DENND1A: variants seen among roughly 807,000 people sequenced by gnomAD.
The protein encoded by DENND1A is DENN domain-containing protein 1A.
In DENND1A, 51 loss-of-function variants were observed where a neutral mutation model predicts 113.7. The observed-to-expected ratio is 0.45, with a 90% CI of 0.36 to 0.57. The LOEUF (loss-of-function observed/expected upper bound fraction) is 0.57, where lower values mean the gene tolerates loss of function less well. Among genes scored for constraint, DENND1A ranks in the 20% least tolerant of loss-of-function variants. The probability of loss-of-function intolerance (pLI) is 0.00; values close to 1 mark genes in which losing one functional copy is unlikely to be tolerated. For synonymous variants in DENND1A, 565 were observed against 570.8 expected (o/e 0.99, Z 0.14); for missense variants, 1,258 against 1,395.9 (o/e 0.90, Z 1.57).
intron 13 of DENND1A, among the ~76,000 whole-genome samples, chr9:123,540,922 G>A (rs1333313745): frequency 6.6e-6 from 1 of 152,182 alleles, no homozygotes; most frequent in East Asian, 1.9e-4. Flanking sequence ...GAGTTCTAGA[G>A]GCAGACAGAC....
intron 13 of DENND1A, among the ~76,000 whole-genome samples, chr9:123,526,502 C>G (rs2054858281): frequency 6.6e-6 from 1 of 152,212 alleles, no homozygotes; most frequent in African/African-American, 2.4e-5. Flanking sequence ...ACATGACCAT[C>G]TGGTTGTCAT....
intron 2 of DENND1A, among the ~76,000 whole-genome samples, chr9:123,830,873 G>GAAAAAAAAAAAAAAAAAAAAA (rs71390447): frequency 1.5e-4 from 6 of 39,316 alleles, no homozygotes; most frequent in Non-Finnish European, 2.3e-4. Context: ...TCTCAAAAAT[G>GAAAAAAAAAAAAAAAAAAAAA]AAAAAAAAAA....
Position 123,651,722 on chromosome 9 carries a change from T to C in DENND1A, c.618+291A>G, listed in dbSNP as rs117433640. On this transcript the variant is annotated intron_variant, in intron 9 of 23. Coordinates refer to ENST00000394215, the MANE Select transcript of DENND1A (RefSeq NM_001352964.2). ...AATGACACACCCGTATCATGAAATA[T>C]GGTGTAGACATTAAAAAATGACAAT... Among the ~76,000 whole-genome samples the C allele has an allele frequency of 7.3e-4, 111 of 152,302 alleles. No individual in the cohort carries two copies. The East Asian group carries it at 0.02, about 28-fold the overall frequency.
chr9:123,504,113 T>C (rs1367328512), intron 13 of DENND1A, among the ~76,000 whole-genome samples: 1 of 152,232 alleles, frequency 6.6e-6, no homozygotes, highest in African/African-American at 2.4e-5. Context: ...ACTTCCATGC[T>C]GCAAGCACAC....
chr9:123,793,979 C>T (rs999425942), intron 2 of DENND1A, among the ~76,000 whole-genome samples: 1 of 152,184 alleles, frequency 6.6e-6, no homozygotes, highest in Admixed American at 6.5e-5. Flanking sequence ...CCCTCGTCTT[C>T]AACTACTGGG....
At chr9:123,742,062 C>T (rs969882807) in intron 5 of DENND1A, among the ~76,000 whole-genome samples, 4 of 152,230 alleles carry the variant, frequency 2.6e-5, no homozygotes, top group Non-Finnish European at 5.9e-5. Context: ...CTCCTCTGCA[C>T]ATACATAAAC....
At chr9:123,659,145 T>C (rs954809510) in intron 8 of DENND1A, among the ~76,000 whole-genome samples, 1 of 152,234 alleles carries the variant, frequency 6.6e-6, no homozygotes, top group Non-Finnish European at 1.5e-5. Flanking sequence ...CCTCTCTTTT[T>C]GCACACTAAC....
chr9:123,702,071 T>G (rs1186570398), intron 5 of DENND1A, among the ~76,000 whole-genome samples: 1 of 152,064 alleles, frequency 6.6e-6, no homozygotes, highest in Non-Finnish European at 1.5e-5. Context: ...AGAAACATAA[T>G]AAGTGACCAG....
Position 123,572,181 on chromosome 9 carries a change from T to G in DENND1A, c.867+10988A>C, listed in dbSNP as rs78720835. On this transcript the variant is annotated intron_variant, in intron 12 of 23. Coordinates refer to ENST00000394215, the MANE Select transcript of DENND1A (RefSeq NM_001352964.2). The stretch of plus-strand genomic sequence containing the variant: ...GGCAACCACTCAGCTGTTTCTAGCT[T>G]TATAGTTTTGCCTGTTCCAGAATAC... 5.5e-3 allele frequency among the ~76,000 whole-genome samples: 837 copies of G among 152,302 alleles called. 7 individuals carry two copies. The highest frequency in any genetic ancestry group is 0.018 in the African/African-American group (754 of 41,554).
intron 1 of DENND1A, among the ~76,000 whole-genome samples, chr9:123,898,447 G>A (rs1851106175): frequency 6.6e-6 from 1 of 151,866 alleles, no homozygotes; most frequent in Non-Finnish European, 1.5e-5. Flanking sequence ...TTCCCCTTCA[G>A]CCTCCCAAGT....
At chr9:123,420,428 G>A (rs1468080326) in intron 19 of DENND1A, among the ~76,000 whole-genome samples, 1 of 151,558 alleles carries the variant, frequency 6.6e-6, no homozygotes, top group Non-Finnish European at 1.5e-5. Flanking sequence ...CGAGGGGGAT[G>A]AGGGGGTGCT....
intron 1 of DENND1A, among the ~76,000 whole-genome samples, chr9:123,921,435 A>G (rs1856233236): frequency 6.6e-6 from 1 of 152,240 alleles, no homozygotes; most frequent in South Asian, 2.1e-4. Flanking sequence ...CCGGAGTTCA[A>G]GAACTGCCAG....
At chr9:123,461,379 C>T (rs545099258) in intron 13 of DENND1A, among the ~76,000 whole-genome samples, 5 of 152,314 alleles carry the variant, frequency 3.3e-5, no homozygotes, top group South Asian at 2.1e-4. Context: ...TAAAGAACCA[C>T]GAAATGAGTT....
At chr9:123,832,103 T>G (rs1293468493) in intron 2 of DENND1A, among the ~76,000 whole-genome samples, 1 of 152,164 alleles carries the variant, frequency 6.6e-6, no homozygotes, top group African/African-American at 2.4e-5. Context: ...TATATAAAAT[T>G]ATGATGTCAA....
At chr9:123,627,876 G>A (rs2061311115) in intron 10 of DENND1A, among the ~76,000 whole-genome samples, 1 of 152,188 alleles carries the variant, frequency 6.6e-6, no homozygotes, top group South Asian at 2.1e-4. Context: ...TAATGACACA[G>A]GTGTCACCCT....
chr9:123,713,313 A>C (rs1401914371), intron 5 of DENND1A, among the ~76,000 whole-genome samples: 1 of 152,258 alleles, frequency 6.6e-6, no homozygotes, highest in African/African-American at 2.4e-5. Flanking sequence ...GAGTCCCTTC[A>C]AGTAGGGAGT....
chr9:123,416,962 G>C (rs1227957716), intron 19 of DENND1A, among the ~76,000 whole-genome samples: 2 of 152,238 alleles, frequency 1.3e-5, no homozygotes, highest in African/African-American at 2.4e-5. Flanking sequence ...AAGAAATATT[G>C]GTGGGGTAAA....
chr9:123,885,590 A>C (rs561758033), intron 1 of DENND1A, among the ~76,000 whole-genome samples: 3 of 152,368 alleles, frequency 2.0e-5, no homozygotes, highest in South Asian at 4.1e-4. Context: ...CAACAGCCTC[A>C]GCTCTTAAAC....
At position 123,903,462 on chromosome 9, in the gene DENND1A, G is replaced by A. The variant is rs549644416; in HGVS notation, c.18-24441C>T. ...TTTCTGCATTTCCATCTGAGGTACC[G>A]GGTTGATCTCACTAGGGAGTGCCAG... On this transcript the variant is annotated intron_variant, in intron 1 of 23. Coordinates refer to ENST00000394215, the MANE Select transcript of DENND1A (RefSeq NM_001352964.2). Among the ~76,000 whole-genome samples, 62 of 152,100 alleles carry A rather than the reference G, an allele frequency of 4.1e-4. 1 individual carries two copies. The South Asian group carries it at 7.1e-3, about 17-fold the overall frequency.
Sources: gnomAD v4.1 joint callset for allele counts (sites outside exome capture counted in the v4.1 genomes callset) on GRCh38, gnomAD v4.1.1 for gene constraint, MANE v1.5 for transcripts, NCBI Gene and HGNC (gene_info 2026-07-23, HGNC 2026-07-21) for gene names.